Variants in FAT3 observed in about 807,000 individuals in gnomAD.
The protein encoded by FAT3 is FAT atypical cadherin 3.
A neutral mutation model predicts 310.2 loss-of-function variants in FAT3; 95 were observed. That is an observed-to-expected ratio of 0.31 (90% confidence interval 0.26 to 0.36). FAT3 has a LOEUF of 0.36. FAT3 is among the 10% of genes least tolerant of loss of function. The pLI is 1.00. For synonymous variants in FAT3, 2,314 were observed against 2,192.9 expected, an observed-to-expected ratio of 1.06 and a Z score of -1.54; for missense variants, 5,408 against 5,715.6, an observed-to-expected ratio of 0.95 and a Z score of 1.74.
chr11:92,780,077 C>T (rs969203279), intron 7 of FAT3, among the ~76,000 whole-genome samples: 3 of 151,958 alleles, frequency 2.0e-5, no homozygotes, highest in Non-Finnish European at 2.9e-5. Context: ...CATGCCAACC[C>T]TTGATTTCGG....
At chr11:92,592,878 G>A (rs990438761) in intron 3 of FAT3, among the ~76,000 whole-genome samples, 1 of 151,954 alleles carries the variant, frequency 6.6e-6, no homozygotes, top group Non-Finnish European at 1.5e-5. Flanking sequence ...AAATTCAGTA[G>A]TATTACGTAT....
intron 2 of FAT3, among the ~76,000 whole-genome samples, chr11:92,361,287 G>A (rs1196240709): frequency 1.3e-5 from 2 of 152,286 alleles, no homozygotes; most frequent in East Asian, 3.9e-4. Flanking sequence ...ATTGGCCAAA[G>A]CAGGTCATGG....
In FAT3 at chr11:92,798,578, C is replaced by T; in HGVS notation, c.5565C>T (p.Asp1855=). The change falls in exon 10 of 28, where the codon GAC becomes GAT. Residue 1855 remains aspartate (D), a synonymous_variant. Coordinates refer to ENST00000525166, the MANE Select transcript of FAT3 (RefSeq NM_001367949.2). ...AHFHFHVHVR[D]SGSPQLTAES... ...TCCATTTTCATGTGCATGTGAGAGA[C>T]AGTGGTAGCCCCCAACTGACTGCAG... 1.2e-6 allele frequency: 2 copies of T among 1,613,700 alleles called. No homozygotes were observed. The highest frequency in any genetic ancestry group is 1.7e-6 in the Non-Finnish European group (2 of 1,179,746).
At position 92,354,722 on chromosome 11, in the gene FAT3, C is replaced by G. The variant is rs1475744937; in HGVS notation, c.2610C>G (p.Val870=). The G allele has an allele frequency of 1.9e-6, 3 of 1,613,886 alleles. No homozygotes were observed. The highest frequency in any genetic ancestry group is 2.5e-6 in the Non-Finnish European group (3 of 1,179,862). ...LGSNGEVTYS[V]LTDTQQFAIN... is the part of the protein sequence containing the mutation. ...CTAATGGTGAAGTGACTTACTCAGT[C>G]TTGACAGATACACAGCAGTTTGCCA... Residue 870 remains valine, a synonymous_variant, in exon 2 of 28, where the codon GTC becomes GTG. Transcript: ENST00000525166.
chr11:92,881,431 T>C (rs1235097998), intron 23 of FAT3, among the ~76,000 whole-genome samples: 1 of 152,234 alleles, frequency 6.6e-6, no homozygotes, highest in Non-Finnish European at 1.5e-5. Flanking sequence ...GTATGTAATC[T>C]CAAGCAAGTG....
At position 92,782,319 on chromosome 11, in the gene FAT3, G is replaced by A. The variant is rs747791004; in HGVS notation, c.4336-7624G>A. Among the ~76,000 whole-genome samples the A allele has an allele frequency of 1.8e-4, 27 of 152,140 alleles. No homozygotes were observed. In the South Asian group the frequency reaches 1.9e-3, roughly 11 times the overall value. Reference sequence around the variant, plus strand: ...CTGTCTCTAAAAAAATTAAAAGGCTGGGTACAGGGGTCATGCTTATAATCC... The same window carrying A: ...CTGTCTCTAAAAAAATTAAAAGGCTAGGTACAGGGGTCATGCTTATAATCC... On this transcript the variant is annotated intron_variant, in intron 7 of 27. Coordinates refer to ENST00000525166, the MANE Select transcript of FAT3 (RefSeq NM_001367949.2).
At chr11:92,521,743 C>T (rs987872321) in intron 2 of FAT3, among the ~76,000 whole-genome samples, 18 of 152,068 alleles carry the variant, frequency 1.2e-4, no homozygotes, top group Non-Finnish European at 2.5e-4. Context: ...AACATGGTGT[C>T]CTTATCTTTA....
chr11:92,654,430 C>T (rs758273584), intron 3 of FAT3, among the ~76,000 whole-genome samples: 9 of 152,150 alleles, frequency 5.9e-5, no homozygotes, highest in Admixed American at 5.2e-4. Flanking sequence ...TTCTCTCTAC[C>T]GGGTCCTCTT....
chr11:92,296,497 C>T (rs1029070686), intron 1 of FAT3, among the ~76,000 whole-genome samples: 1 of 152,084 alleles, frequency 6.6e-6, no homozygotes, highest in African/African-American at 2.4e-5. Flanking sequence ...TGAGAATCAA[C>T]CATAGGTATG....
chr11:92,579,287 A>G (rs918631579), intron 3 of FAT3, among the ~76,000 whole-genome samples: 1 of 152,078 alleles, frequency 6.6e-6, no homozygotes, highest in Non-Finnish European at 1.5e-5. Context: ...AAGCTGAAGG[A>G]TGAGAGAAAT....
chr11:92,598,001 C>T (rs1042054675), intron 3 of FAT3, among the ~76,000 whole-genome samples: 1 of 152,010 alleles, frequency 6.6e-6, no homozygotes, highest in Non-Finnish European at 1.5e-5. Context: ...CAAACATGAA[C>T]TTGTGGTATA....
At chr11:92,868,856 A>G (rs142038424) in intron 22 of FAT3, among the ~76,000 whole-genome samples, 1 of 152,350 alleles carries the variant, frequency 6.6e-6, no homozygotes, top group African/African-American at 2.4e-5. Flanking sequence ...TTAAATGGCT[A>G]CGACCCACAT....
intron 2 of FAT3, among the ~76,000 whole-genome samples, chr11:92,409,024 A>T (rs1950195890): frequency 6.6e-6 from 1 of 152,320 alleles, no homozygotes; most frequent in Admixed American, 6.5e-5. Flanking sequence ...AATGAATTAA[A>T]CATTACGTAT....
chr11:92,576,638 A>G lies in FAT3; in HGVS notation c.3607+51690A>G, dbSNP rs907864161. ...CTGTGGAATACCTCCTCTGACAGCC[A>G]GCAGTAACTTAAAGGCAAAGGTTCC... On this transcript the variant is annotated intron_variant, in intron 3 of 27. Coordinates refer to ENST00000525166, the MANE Select transcript of FAT3 (RefSeq NM_001367949.2). 2.6e-5 allele frequency among the ~76,000 whole-genome samples: 4 copies of G among 152,318 alleles called. No individual in the cohort carries two copies. The East Asian group carries it at 7.7e-4, about 29-fold the overall frequency.
At chr11:92,606,087 T>A (rs1023311120) in intron 3 of FAT3, among the ~76,000 whole-genome samples, 1 of 152,180 alleles carries the variant, frequency 6.6e-6, no homozygotes, top group Non-Finnish European at 1.5e-5. Context: ...GTGTCAACAA[T>A]TGGTGAGTGA....
chr11:92,791,464 G>A (rs1591737181), intron 8 of FAT3, among the ~76,000 whole-genome samples: 1 of 152,188 alleles, frequency 6.6e-6, no homozygotes, highest in African/African-American at 2.4e-5. Context: ...TTGTGCTAGT[G>A]ACTAACTCCA....
Position 92,867,004 on chromosome 11 carries a change from G to T in FAT3, c.11922G>T (p.Arg3974=), listed in dbSNP as rs1439752631. The change falls in exon 22 of 28, where the codon CGG becomes CGT. Residue 3974 remains arginine, a synonymous_variant. Transcript: ENST00000525166. ...ADNIRSLTDT[R]VTQVLSGFQG... is the part of the protein sequence containing the mutation. ...ACATCCGCAGCCTGACTGACACGCG[G>T]GTCACGCAGGTGCTCAGCGGCTTCC... The T allele has an allele frequency of 6.2e-7, 1 of 1,602,958 alleles. No individual in the cohort carries two copies. The highest frequency in any genetic ancestry group is 1.7e-5 in the Admixed American group (1 of 58,414).
intron 1 of FAT3, among the ~76,000 whole-genome samples, chr11:92,265,624 A>G (rs1438003866): frequency 6.6e-6 from 1 of 152,074 alleles, no homozygotes; most frequent in African/African-American, 2.4e-5. Context: ...GCTATAAATA[A>G]CAGAAATTTA....
At chr11:92,292,532 A>C (rs183188217) in intron 1 of FAT3, among the ~76,000 whole-genome samples, 1 of 152,214 alleles carries the variant, frequency 6.6e-6, no homozygotes, top group East Asian at 1.9e-4. Context: ...AAAACACAGA[A>C]TGAGGATGCT....
Sources: allele counts gnomAD v4.1 joint callset (sites outside exome capture counted in the v4.1 genomes callset), GRCh38; gene constraint gnomAD v4.1.1; transcripts MANE v1.5; gene names NCBI Gene and HGNC (gene_info 2026-07-23, HGNC 2026-07-21).